The following ADAMTSL1 variants were observed in gnomAD, a reference collection of about 807,000 sequenced individuals.
The protein encoded by ADAMTSL1 is ADAMTS-like protein 1.
ADAMTSL1 carries 126 observed loss-of-function variants against 201.8 expected under a neutral mutation model. The observed-to-expected ratio is 0.62, with a 90% CI of 0.54 to 0.72. The LOEUF (loss-of-function observed/expected upper bound fraction) is 0.72, where lower values mean the gene tolerates loss of function less well. Ranked by LOEUF, ADAMTSL1 falls within the 30% of genes least tolerant of loss-of-function variation. The probability of loss-of-function intolerance (pLI) is 0.00; values close to 1 mark genes in which losing one functional copy is unlikely to be tolerated. For synonymous variants in ADAMTSL1, 1,121 were observed against 903.4 expected (o/e 1.24, Z -4.32); for missense variants, 2,679 against 2,277.8 (o/e 1.18, Z -3.59).
Position 18,843,625 on chromosome 9 carries a change from A to G in ADAMTSL1, c.4249+13648A>G, listed in dbSNP as rs975568252. Among the ~76,000 whole-genome samples, 19 of 150,742 alleles carry G rather than the reference A, an allele frequency of 1.3e-4. 3 individuals are homozygous for G. The highest frequency in any genetic ancestry group is 4.7e-4 in the African/African-American group (19 of 40,126). On this transcript the variant is annotated intron_variant, in intron 23 of 28. Coordinates refer to ENST00000380548, the MANE Select transcript of ADAMTSL1 (RefSeq NM_001040272.6). ...AGTTCTCCTGGATAATATCCTGCAGAGTGTTTTCCAACTTGGTTCCATTCT... is the reference window on the plus strand; with the variant it reads ...AGTTCTCCTGGATAATATCCTGCAGGGTGTTTTCCAACTTGGTTCCATTCT...
chr9:18,087,390 C>T (rs1290327446), intron 1 of ADAMTSL1, among the ~76,000 whole-genome samples: 1 of 152,010 alleles, frequency 6.6e-6, no homozygotes, highest in Non-Finnish European at 1.5e-5. Flanking sequence ...GAAACATCCA[C>T]GTATTTAACT....
rs562899443 is a variant in ADAMTSL1, at chr9:18,184,108, G to A, written c.207+20127G>A. On this transcript the variant is annotated intron_variant, in intron 2 of 29. Coordinates refer to the ADAMTSL1 transcript ENST00000680146. ...TAACAAATGCTGACAGAAGTGACAA[G>A]CATTTCATTTTCTTTGAATGGATTC... 7.2e-5 allele frequency among the ~76,000 whole-genome samples: 11 copies of A among 152,290 alleles called. No homozygotes were observed. The South Asian group carries it at 2.3e-3, about 32-fold the overall frequency.
chr9:18,559,175 AT>A (rs1587559198), intron 3 of ADAMTSL1, among the ~76,000 whole-genome samples: 1 of 152,086 alleles, frequency 6.6e-6, no homozygotes, highest in African/African-American at 2.4e-5. Flanking sequence ...TCTTGAGTTA[AT>A]TTTTGTATAA....
chr9:18,796,494 C>G (rs1588125983), intron 20 of ADAMTSL1: 1 of 152,204 alleles, frequency 6.6e-6, no homozygotes, highest in South Asian at 2.1e-4. Flanking sequence ...GCCAACATCA[C>G]CCCACACTGA....
intron 23 of ADAMTSL1, among the ~76,000 whole-genome samples, chr9:18,867,484 A>G (rs1827607875): frequency 6.6e-6 from 1 of 152,216 alleles, no homozygotes; most frequent in African/African-American, 2.4e-5. Flanking sequence ...TCACATATAT[A>G]CAAAATAAAC....
At chr9:18,392,219 C>G (rs1316843729) in intron 2 of ADAMTSL1, among the ~76,000 whole-genome samples, 2 of 152,142 alleles carry the variant, frequency 1.3e-5, no homozygotes, top group Non-Finnish European at 2.9e-5. Flanking sequence ...AAGGGTCCTA[C>G]TACTTTATGG....
intron 17 of ADAMTSL1, 143 bp from the exon 18 acceptor site, chr9:18,775,600 G>A (rs1404973604): frequency 9.0e-7 from 1 of 1,114,638 alleles, no homozygotes; most frequent in African/African-American, 1.6e-5. Flanking sequence ...TCCACATTGT[G>A]ACCTCATAAT....
intron 1 of ADAMTSL1, among the ~76,000 whole-genome samples, chr9:17,970,516 C>G (rs558281341): frequency 1.1e-3 from 174 of 152,116 alleles, no homozygotes; most frequent in African/African-American, 4.0e-3. Flanking sequence ...TTCTTGTCAC[C>G]TTTAACTTGA....
intron 23 of ADAMTSL1, among the ~76,000 whole-genome samples, chr9:18,842,122 G>T (rs1349251059): frequency 6.6e-6 from 1 of 151,772 alleles, no homozygotes; most frequent in African/African-American, 2.4e-5. Flanking sequence ...TCTTTTAATT[G>T]TGATGTTAGG....
At position 18,304,905 on chromosome 9, in the gene ADAMTSL1, C is replaced by T. The variant is rs138675982; in HGVS notation, c.207+140924C>T. Among the ~76,000 whole-genome samples the T allele has an allele frequency of 3.3e-5, 5 of 152,194 alleles. No homozygotes were observed. In the South Asian group the frequency reaches 8.3e-4, roughly 25 times the overall value. ...AGAAAATATGTACTTAAACAGTGTACGTTCCTGGGCAAGATGGCTGAATAG... is the reference window on the plus strand; with the variant it reads ...AGAAAATATGTACTTAAACAGTGTATGTTCCTGGGCAAGATGGCTGAATAG... On this transcript the variant is annotated intron_variant, in intron 2 of 29. Coordinates refer to the ADAMTSL1 transcript ENST00000680146.
chr9:18,057,821 G>C (rs1043436796), intron 1 of ADAMTSL1, among the ~76,000 whole-genome samples: 1 of 152,174 alleles, frequency 6.6e-6, no homozygotes, highest in Admixed American at 6.5e-5. Flanking sequence ...TCATTCTTTA[G>C]GATTGAGTTT....
At chr9:18,606,478 G>C (rs572515536) in intron 4 of ADAMTSL1, among the ~76,000 whole-genome samples, 2 of 152,146 alleles carry the variant, frequency 1.3e-5, no homozygotes, top group Non-Finnish European at 2.9e-5. Flanking sequence ...CAGAGCGCTC[G>C]CATGAGTAGC....
chr9:18,729,792 G>A (rs986041754), intron 15 of ADAMTSL1, among the ~76,000 whole-genome samples: 1 of 152,104 alleles, frequency 6.6e-6, no homozygotes, highest in Non-Finnish European at 1.5e-5. Context: ...TGCCTTAAGT[G>A]CTGCTCTTCT....
chr9:17,978,428 G>T lies in ADAMTSL1; in HGVS notation c.87+71506G>T, dbSNP rs186500586. Among the ~76,000 whole-genome samples, 383 of 151,618 alleles carry T rather than the reference G, an allele frequency of 2.5e-3. 6 individuals are homozygous for T. Among genetic ancestry groups the T allele is most frequent in the Admixed American group, 0.021 (315 of 15,202 alleles). On this transcript the variant is annotated intron_variant, in intron 1 of 29. Transcript: ENST00000680146. ...ATGATTTTCTGTTGTGGTATTATTCGATTTCTTTCTCTTTATTTTGGGGGA... is the reference window on the plus strand; with the variant it reads ...ATGATTTTCTGTTGTGGTATTATTCTATTTCTTTCTCTTTATTTTGGGGGA...
chr9:18,492,849 G>A (rs1822333578), intron 1 of ADAMTSL1, among the ~76,000 whole-genome samples: 1 of 152,192 alleles, frequency 6.6e-6, no homozygotes. Context: ...CAGCAGCAAA[G>A]TCAGGATATA....
At chr9:18,406,382 G>A (rs546522430) in intron 2 of ADAMTSL1, among the ~76,000 whole-genome samples, 5 of 136,588 alleles carry the variant, frequency 3.7e-5, no homozygotes, top group African/African-American at 1.3e-4. Context: ...AGGCTGGAGT[G>A]CGGTGGCATG....
chr9:18,366,291 G>C lies in ADAMTSL1; in HGVS notation c.208-138538G>C, dbSNP rs139688206. Among the ~76,000 whole-genome samples the C allele has an allele frequency of 5.9e-3, 884 of 150,284 alleles. 11 individuals carry two copies. Among genetic ancestry groups the C allele is most frequent in the Middle Eastern group, 6.8e-3 (2 of 294 alleles). On this transcript the variant is annotated intron_variant, in intron 2 of 29. Coordinates refer to the ADAMTSL1 transcript ENST00000680146. ...TTGCTTATACAAGTTTTTCATAGCAGAAAAAGATTGAGCGTGCATCAGCTT... is the reference window on the plus strand; with the variant it reads ...TTGCTTATACAAGTTTTTCATAGCACAAAAAGATTGAGCGTGCATCAGCTT...
intron 19 of ADAMTSL1, among the ~76,000 whole-genome samples, chr9:18,792,324 A>G (rs191500451): frequency 1.3e-5 from 2 of 152,326 alleles, no homozygotes; most frequent in East Asian, 3.9e-4. Flanking sequence ...ACAGACTTCA[A>G]CTGGATTTTA....
At chr9:18,292,554 T>G (rs1324390244) in intron 2 of ADAMTSL1, among the ~76,000 whole-genome samples, 4 of 152,108 alleles carry the variant, frequency 2.6e-5, no homozygotes, top group Admixed American at 2.6e-4. Flanking sequence ...TCCCTCAGCC[T>G]GGGTGGGCAC....
Sources: allele counts gnomAD v4.1 joint callset (sites outside exome capture counted in the v4.1 genomes callset), GRCh38; gene constraint gnomAD v4.1.1; transcripts MANE v1.5; gene names NCBI Gene and HGNC (gene_info 2026-07-23, HGNC 2026-07-21).